The following MARCKS variants were observed in gnomAD, a reference collection of about 807,000 sequenced individuals.
MARCKS encodes the protein myristoylated alanine-rich C-kinase substrate.
In MARCKS, 4 loss-of-function variants were observed where a neutral mutation model predicts 6.3. The ratio of observed to expected loss-of-function variants is 0.63; its 90% CI spans 0.31 to 1.45. MARCKS has a LOEUF of 1.45. Ranked by LOEUF, MARCKS falls within the 40% of genes most tolerant of loss-of-function variation. The pLI, the probability that MARCKS is intolerant of heterozygous loss-of-function variation, is 0.07. For synonymous variants in MARCKS, 289 were observed against 236.5 expected (o/e 1.22, Z -2.04); for missense variants, 636 against 485.7 (o/e 1.31, Z -2.91).
Position 113,861,697 on chromosome 6 carries a change from A to G in MARCKS, c.*1118A>G, listed in dbSNP as rs1447857641. 1 of 152,626 alleles carries G rather than the reference A, an allele frequency of 6.6e-6. No individual in the cohort carries two copies. The highest frequency in any genetic ancestry group is 2.4e-5 in the African/African-American group (1 of 41,450). The allele number at this position is 152,626 out of a possible 1,614,324, so 9.5% of individuals were successfully genotyped here. A position where few individuals can be genotyped will look rare whatever the true frequency, so the allele number is the denominator to read the frequency against. ...AAGCTTTGACCAATTTGACTTAGAG[A>G]TGGAATGTAACTTTGCTTACAAAAA... On this transcript the variant is annotated 3_prime_UTR_variant, in exon 2 of 2. Transcript: ENST00000612661.
Position 113,859,738 on chromosome 6 carries a change from G to A in MARCKS, c.158G>A (p.Gly53Asp). 3.3e-6 allele frequency: 5 copies of A among 1,499,586 alleles called. No homozygotes were observed. The highest frequency in any genetic ancestry group is 4.4e-6 in the Non-Finnish European group (5 of 1,125,284). The allele number at this position is 1,499,586 out of a possible 1,614,324, so 92.9% of individuals were successfully genotyped here. ...GCTTCGCCCGCGGCCGCCGAGTCGG[G>A]CGCCAAGGAGGAGCTGCAGGCCAAC... ...GDASPAAAES[G>D]AKEELQANGS... The change falls in exon 2 of 2, where the codon GGC becomes GAC. Residue 53 changes from glycine to aspartate, a missense_variant. Coordinates refer to ENST00000612661, the MANE Select transcript of MARCKS (RefSeq NM_002356.7).
chr6:113,861,509 A>G lies in MARCKS; in HGVS notation c.*930A>G, dbSNP rs1774901274. 1.3e-5 allele frequency: 2 copies of G among 152,576 alleles called. No individual in the cohort carries two copies. The highest frequency in any genetic ancestry group is 4.8e-5 in the African/African-American group (2 of 41,418). The allele number at this position is 152,576 out of a possible 1,614,324, so 9.5% of individuals were successfully genotyped here. A position where few individuals can be genotyped will look rare whatever the true frequency, so the allele number is the denominator to read the frequency against. The stretch of plus-strand genomic sequence containing the variant: ...AAAACACAAATTTTAAACTCAACCA[A>G]GCTGTGATAAGTGGAATGGTTACTG... On this transcript the variant is annotated 3_prime_UTR_variant, in exon 2 of 2. Transcript: ENST00000612661.
In MARCKS at chr6:113,860,171, C is replaced by A; in HGVS notation, c.591C>A (p.Ala197=). The A allele has an allele frequency of 7.6e-7, 1 of 1,321,178 alleles. No individual in the cohort carries two copies. The highest frequency in any genetic ancestry group is 9.7e-7 in the Non-Finnish European group (1 of 1,027,558). 81.8% of individuals were successfully genotyped at this position (1,321,178 alleles called of 1,614,324 possible). ...CCGAAGGCGGCAAGGACGAGGCCGC[C>A]GGGGGCGCAGCTGCGGCCGCCGCCG... ...PAAEGGKDEA[A]GGAAAAAAEA... is the part of the protein sequence containing the mutation. The change falls in exon 2 of 2, where the codon GCC becomes GCA. Residue 197 remains alanine (A), a synonymous_variant. Coordinates refer to ENST00000612661, the MANE Select transcript of MARCKS (RefSeq NM_002356.7).
At chr6:113,858,718 C>G (rs1774828224) in intron 1 of MARCKS, among the ~76,000 whole-genome samples, 2 of 152,238 alleles carry the variant, frequency 1.3e-5, no homozygotes, top group Non-Finnish European at 2.9e-5. Flanking sequence ...GCACCCACCA[C>G]GCCTCTTTTC....
chr6:113,862,567 A>AC lies in MARCKS; in HGVS notation c.*1991dup, dbSNP rs1262369390. 4 of 152,002 alleles carry AC rather than the reference A, an allele frequency of 2.6e-5. No individual in the cohort carries two copies. Among genetic ancestry groups the AC allele is most frequent in the African/African-American group, 9.7e-5 (4 of 41,402 alleles). The allele number at this position is 152,002 out of a possible 1,614,324, so 9.4% of individuals were successfully genotyped here. ...AACTGGATATCTTTTCCTTCAAAGG[A>AC]CCCTAAACTGATTGAAATTTAAGAT... On this transcript the variant is annotated 3_prime_UTR_variant, in exon 2 of 2. Coordinates refer to ENST00000612661, the MANE Select transcript of MARCKS (RefSeq NM_002356.7).
chr6:113,860,385 G>A lies in MARCKS; in HGVS notation c.805G>A (p.Ala269Thr), dbSNP rs1169746652. 7.9e-7 allele frequency: 1 copy of A among 1,271,562 alleles called. No individual in the cohort carries two copies. Among genetic ancestry groups the A allele is most frequent in the South Asian group, 1.4e-5 (1 of 71,500 alleles). The allele number at this position is 1,271,562 out of a possible 1,614,324, so 78.8% of individuals were successfully genotyped here. Residue 269 changes from alanine (A) to threonine (T), a missense_variant, in exon 2 of 2, where the codon GCC (alanine) becomes ACC (threonine). Transcript: ENST00000612661. ...GCCCAGCAAGGTGGAGGAGAAAAAG[G>A]CCGAGGAGGCCGGGGCCAGCGCCGC... ...EEPSKVEEKK[A>T]EEAGASAAAC...
Position 113,860,024 on chromosome 6 carries a change from C to T in MARCKS, c.444C>T (p.Asn148=). ...AEDGATPSPS[N]ETPKKKKKRF... is the part of the protein sequence containing the mutation. ...ACGGGGCCACGCCCTCGCCCAGCAA[C>T]GAGACCCCGAAAAAAAAAAAGAAGC... is the stretch of plus-strand genomic sequence containing the variant. The change falls in exon 2 of 2, where the codon AAC becomes AAT. Residue 148 remains asparagine (N), a synonymous_variant. Coordinates refer to ENST00000612661, the MANE Select transcript of MARCKS (RefSeq NM_002356.7). The T allele has an allele frequency of 6.4e-7, 1 of 1,568,552 alleles. No individual in the cohort carries two copies. The highest frequency in any genetic ancestry group is 1.1e-5 in the South Asian group (1 of 88,798).
intron 1 of MARCKS, 125 bp from the exon 2 acceptor site, chr6:113,859,558 G>A: frequency 2.5e-6 from 2 of 809,262 alleles, no homozygotes; most frequent in South Asian, 6.3e-5. Flanking sequence ...CACAACGGCG[G>A]GGGTGGGGTC....
chr6:113,860,241 G>A lies in MARCKS; in HGVS notation c.661G>A (p.Glu221Lys). The change falls in exon 2 of 2, where the codon GAG becomes AAG. Residue 221 changes from glutamate to lysine, a missense_variant. Transcript: ENST00000612661. ...GGAGCAGGCAGCGGCGCCGGGCGAG[G>A]AGGCGGCAGCGGGCGAGGAGGGGGC... The part of the protein sequence containing the change: ...SGEQAAAPGE[E>K]AAAGEEGAAG... 1 of 1,077,006 alleles carries A rather than the reference G, an allele frequency of 9.3e-7. No individual in the cohort carries two copies. The highest frequency in any genetic ancestry group is 1.1e-6 in the Non-Finnish European group (1 of 884,568). The allele number at this position is 1,077,006 out of a possible 1,614,324, so 66.7% of individuals were successfully genotyped here.
Position 113,860,533 on chromosome 6 carries a change from A to AG in MARCKS, c.954dup (p.Pro319AlafsTer23). 6.4e-7 allele frequency: 1 copy of AG among 1,558,512 alleles called. No individual in the cohort carries two copies. The highest frequency in any genetic ancestry group is 8.6e-7 in the Non-Finnish European group (1 of 1,156,628). ...TGCGCAGCCCCCTCACAGGAGGCCC[A>AG]GCCCGAGTGCAGTCCAGAAGCCCCC... On this transcript the variant is annotated frameshift_variant, in exon 2 of 2. Coordinates refer to ENST00000612661, the MANE Select transcript of MARCKS (RefSeq NM_002356.7). LOFTEE classifies it high-confidence loss of function.
At chr6:113,858,881 A>T (rs559067544) in intron 1 of MARCKS, among the ~76,000 whole-genome samples, 14 of 152,364 alleles carry the variant, frequency 9.2e-5, no homozygotes, top group Non-Finnish European at 1.8e-4. Flanking sequence ...GTGGAAGCAG[A>T]GGCGAGACCT....
rs757591352 is a variant in MARCKS at position 113,860,522 on chromosome 6, A to G, written c.942A>G (p.Ser314=). 3.2e-6 allele frequency: 5 copies of G among 1,551,180 alleles called. No individual in the cohort carries two copies. Among genetic ancestry groups the G allele is most frequent in the South Asian group, 1.2e-5 (1 of 85,528 alleles). The part of the protein sequence containing the change: ...AAASSACAAP[S]QEAQPECSPE... ...CCTCGTCAGCCTGCGCAGCCCCCTC[A>G]CAGGAGGCCCAGCCCGAGTGCAGTC... Residue 314 remains serine (S), a synonymous_variant, in exon 2 of 2, where the codon TCA becomes TCG. Coordinates refer to ENST00000612661, the MANE Select transcript of MARCKS (RefSeq NM_002356.7).
At position 113,859,806 on chromosome 6, in the gene MARCKS, G is replaced by C. The variant is rs1284604753; in HGVS notation, c.226G>C (p.Gly76Arg). Reference protein sequence around the residue: ...AADKEEPAAAGSGAASPSAAE... With the variant: ...AADKEEPAAARSGAASPSAAE... Reference sequence around the variant, plus strand: ...CGACAAGGAGGAGCCCGCGGCCGCCGGGAGCGGGGCGGCGTCGCCCTCCGC... The same window carrying C: ...CGACAAGGAGGAGCCCGCGGCCGCCCGGAGCGGGGCGGCGTCGCCCTCCGC... Residue 76 changes from glycine to arginine, a missense_variant, in exon 2 of 2, where the codon GGG becomes CGG. By Grantham distance (125) the Gly-to-Arg change is moderately radical. Coordinates refer to ENST00000612661, the MANE Select transcript of MARCKS (RefSeq NM_002356.7). The C allele has an allele frequency of 2.2e-6, 3 of 1,359,978 alleles. No homozygotes were observed. Among genetic ancestry groups the C allele is most frequent in the South Asian group, 1.7e-5 (1 of 58,018 alleles). The allele number at this position is 1,359,978 out of a possible 1,614,324, so 84.2% of individuals were successfully genotyped here. A position where few individuals can be genotyped will look rare whatever the true frequency, so the allele number is the denominator to read the frequency against.
chr6:113,861,516 A>G lies in MARCKS; in HGVS notation c.*937A>G, dbSNP rs1282742069. The G allele has an allele frequency of 6.6e-6, 1 of 152,660 alleles. No homozygotes were observed. Among genetic ancestry groups the G allele is most frequent in the Non-Finnish European group, 1.5e-5 (1 of 68,034 alleles). The allele number at this position is 152,660 out of a possible 1,614,324, so 9.5% of individuals were successfully genotyped here. ...AAATTTTAAACTCAACCAAGCTGTGATAAGTGGAATGGTTACTGTTTATAC... is the reference window on the plus strand; with the variant it reads ...AAATTTTAAACTCAACCAAGCTGTGGTAAGTGGAATGGTTACTGTTTATAC... On this transcript the variant is annotated 3_prime_UTR_variant, in exon 2 of 2. Coordinates refer to ENST00000612661, the MANE Select transcript of MARCKS (RefSeq NM_002356.7).
At chr6:113,859,015 C>A (rs1774833179) in intron 1 of MARCKS, among the ~76,000 whole-genome samples, 1 of 152,056 alleles carries the variant, frequency 6.6e-6, no homozygotes, top group African/African-American at 2.4e-5. Flanking sequence ...CCTCGGCCTG[C>A]GGGCAGGGCC....
chr6:113,859,742 C>T lies in MARCKS; in HGVS notation c.162C>T (p.Ala54=). 5.3e-6 allele frequency: 8 copies of T among 1,497,194 alleles called. No individual in the cohort carries two copies. Among genetic ancestry groups the T allele is most frequent in the South Asian group, 3.8e-5 (3 of 79,750 alleles). The allele number at this position is 1,497,194 out of a possible 1,614,324, so 92.7% of individuals were successfully genotyped here. The stretch of plus-strand genomic sequence containing the variant: ...CGCCCGCGGCCGCCGAGTCGGGCGC[C>T]AAGGAGGAGCTGCAGGCCAACGGCA... ...DASPAAAESG[A]KEELQANGSA... The change falls in exon 2 of 2, where the codon GCC becomes GCT. Residue 54 remains alanine, a synonymous_variant. Coordinates refer to ENST00000612661, the MANE Select transcript of MARCKS (RefSeq NM_002356.7).
intron 1 of MARCKS, among the ~76,000 whole-genome samples, chr6:113,858,270 G>C (rs979691138): frequency 6.6e-6 from 1 of 151,948 alleles, no homozygotes; most frequent in Non-Finnish European, 1.5e-5. Flanking sequence ...GTGTGGCGGG[G>C]GGGGGAGTCG....
chr6:113,857,545 C>A lies in MARCKS; in HGVS notation c.-201C>A. On this transcript the variant is annotated 5_prime_UTR_variant, in exon 1 of 2. Coordinates refer to ENST00000612661, the MANE Select transcript of MARCKS (RefSeq NM_002356.7). Reference sequence around the variant, plus strand: ...TGCTGCTGCTTTTTGATCTCTTCGACTAAAATTTTTTTATCCGGAGTGTAT... The same window carrying A: ...TGCTGCTGCTTTTTGATCTCTTCGAATAAAATTTTTTTATCCGGAGTGTAT... 1.8e-6 allele frequency: 1 copy of A among 556,388 alleles called. No homozygotes were observed. The highest frequency in any genetic ancestry group is 3.3e-5 in the Admixed American group (1 of 30,052). 34.5% of individuals were successfully genotyped at this position (556,388 alleles called of 1,614,324 possible).
intron 1 of MARCKS, among the ~76,000 whole-genome samples, chr6:113,858,496 T>C (rs1404800493): frequency 6.6e-6 from 1 of 152,222 alleles, no homozygotes; most frequent in Non-Finnish European, 1.5e-5. Flanking sequence ...TTTTAAATGG[T>C]ATCTGTGGGG....
Sources: allele counts gnomAD v4.1 joint callset (sites outside exome capture counted in the v4.1 genomes callset), GRCh38; gene constraint gnomAD v4.1.1; transcripts MANE v1.5; gene names NCBI Gene and HGNC (gene_info 2026-07-23, HGNC 2026-07-21).